GLRX5: variants seen among roughly 807,000 people sequenced by gnomAD.
The protein encoded by GLRX5 is glutaredoxin 5.
GLRX5 carries 10 observed loss-of-function variants against 13.8 expected under a neutral mutation model. That is an observed-to-expected ratio of 0.72 (90% CI 0.45 to 1.23). The LOEUF (loss-of-function observed/expected upper bound fraction) is 1.23. Ranked by LOEUF, GLRX5 falls within the 50% of genes most tolerant of loss-of-function variation. GLRX5 has a pLI of 0.00. For synonymous variants in GLRX5, 98 were observed against 101.1 expected (o/e 0.97, Z 0.18); for missense variants, 233 against 215.2 (o/e 1.08, Z -0.52).
chr14:95,541,222 G>A (rs1166171343), intron 1 of GLRX5, among the ~76,000 whole-genome samples: 6 of 152,204 alleles, frequency 3.9e-5, no homozygotes, highest in Non-Finnish European at 7.3e-5. Context: ...TGCAGTTTTT[G>A]AAAACTAAAG....
chr14:95,539,770 T>G (rs1028135984), intron 1 of GLRX5, among the ~76,000 whole-genome samples: 5 of 152,320 alleles, frequency 3.3e-5, no homozygotes, highest in African/African-American at 1.2e-4. Context: ...TCATCTTATG[T>G]AAAGTAGGGA....
rs186754477 is a variant in GLRX5 at position 95,544,470 on chromosome 14, T to C, written c.*345T>C. The C allele has an allele frequency of 5.0e-4, 122 of 245,348 alleles. 1 individual carries two copies. Among genetic ancestry groups the C allele is most frequent in the African/African-American group, 2.5e-3 (114 of 45,002 alleles). The allele number at this position is 245,348 out of a possible 1,614,324, so 15.2% of individuals were successfully genotyped here. A position where few individuals can be genotyped will look rare whatever the true frequency, so the allele number is the denominator to read the frequency against. On this transcript the variant is annotated 3_prime_UTR_variant, in exon 2 of 2. Transcript: ENST00000331334. ...TGACCCCTCTGCAAATGTGTCAGTC[T>C]CCAAAGAGAGTATCTCCCCCCAAAT...
intron 1 of GLRX5, 134 bp from the exon 2 acceptor site, chr14:95,543,813 A>C (rs1486194806): frequency 2.6e-6 from 2 of 756,076 alleles, no homozygotes; most frequent in African/African-American, 1.7e-5. Flanking sequence ...TGGCAAGCAC[A>C]GTGTTCTCAA....
intron 1 of GLRX5, among the ~76,000 whole-genome samples, chr14:95,540,408 G>A: frequency 6.6e-6 from 1 of 152,102 alleles, no homozygotes. Flanking sequence ...TAATATGTGA[G>A]GCGTAGAGTA....
chr14:95,543,148 C>T (rs977175745), intron 1 of GLRX5: 4 of 455,796 alleles, frequency 8.8e-6, no homozygotes, highest in Admixed American at 2.4e-5. Context: ...CTCACTCCCC[C>T]ACCCCTCAGC....
At chr14:95,543,235 C>T (rs2139651495) in intron 1 of GLRX5, 1 of 455,720 alleles carries the variant, frequency 2.2e-6, no homozygotes, top group East Asian at 7.0e-5. Context: ...AGAGCCTCAT[C>T]ATCCACTCCA....
chr14:95,535,985 C>G (rs1390956522), intron 1 of GLRX5, among the ~76,000 whole-genome samples: 1 of 152,126 alleles, frequency 6.6e-6, no homozygotes, highest in Non-Finnish European at 1.5e-5. Context: ...TGTCGGCTGA[C>G]CTTAGTCGGG....
chr14:95,542,532 A>G (rs1048025411), intron 1 of GLRX5, among the ~76,000 whole-genome samples: 4 of 152,218 alleles, frequency 2.6e-5, no homozygotes, highest in South Asian at 2.1e-4. Flanking sequence ...AATAAATAGT[A>G]TATTGGGACT....
Position 95,543,980 on chromosome 14 carries a change from C to T in GLRX5, c.329C>T (p.Pro110Leu), listed in dbSNP as rs754098542. The change falls in exon 2 of 2, where the codon CCG becomes CTG. Residue 110 changes from proline to leucine, a missense_variant. Transcript: ENST00000331334. ...GACTATTCCAACTGGCCCACCATCC[C>T]GCAAGTGTACCTCAATGGCGAGTTT... ...IKDYSNWPTI[P>L]QVYLNGEFVG... is the part of the protein sequence containing the mutation. 7.4e-6 allele frequency: 12 copies of T among 1,613,904 alleles called. No homozygotes were observed. The South Asian group carries it at 7.7e-5, about 10-fold the overall frequency.
chr14:95,544,230 C>A lies in GLRX5; in HGVS notation c.*105C>A. 1 of 847,394 alleles carries A rather than the reference C, an allele frequency of 1.2e-6. No homozygotes were observed. Among genetic ancestry groups the A allele is most frequent in the Non-Finnish European group, 2.0e-6 (1 of 509,180 alleles). 52.5% of individuals were successfully genotyped at this position (847,394 alleles called of 1,614,324 possible). A position where few individuals can be genotyped will look rare whatever the true frequency, so the allele number is the denominator to read the frequency against. The stretch of plus-strand genomic sequence containing the variant: ...GTTTTCACTATTGAGACCGCAACTG[C>A]TTGCACTGATCATTTTGGTTCGTGA... On this transcript the variant is annotated 3_prime_UTR_variant, in exon 2 of 2. Coordinates refer to ENST00000331334, the MANE Select transcript of GLRX5 (RefSeq NM_016417.3).
At chr14:95,538,133 C>T (rs4905336) in intron 1 of GLRX5, among the ~76,000 whole-genome samples, 125,157 of 152,004 alleles carry the variant, frequency 0.82, 52,880 homozygotes, top group Non-Finnish European at 0.93. Flanking sequence ...CCATGCTTGT[C>T]TATACATAGT....
chr14:95,539,503 C>T (rs1159988797), intron 1 of GLRX5, among the ~76,000 whole-genome samples: 2 of 152,154 alleles, frequency 1.3e-5, no homozygotes, highest in Non-Finnish European at 2.9e-5. Context: ...TGGCATAATA[C>T]CATTTGTATA....
chr14:95,540,529 G>T (rs535408408), intron 1 of GLRX5, among the ~76,000 whole-genome samples: 6 of 152,324 alleles, frequency 3.9e-5, no homozygotes, highest in African/African-American at 1.4e-4. Flanking sequence ...CCTGTGCCTT[G>T]CCCACTCTGC....
intron 1 of GLRX5, among the ~76,000 whole-genome samples, chr14:95,535,823 C>T (rs1226262323): frequency 6.6e-6 from 1 of 152,100 alleles, no homozygotes; most frequent in African/African-American, 2.4e-5. Context: ...CATTGGCCTA[C>T]TCGTGGGTAA....
At chr14:95,535,697 GAC>G (rs1891362530) in intron 1 of GLRX5, among the ~76,000 whole-genome samples, 2 of 152,212 alleles carry the variant, frequency 1.3e-5, no homozygotes, top group African/African-American at 4.8e-5. Context: ...ATTTGTCAAT[GAC>G]TGACTCGGAG....
chr14:95,536,383 C>G (rs899401947), intron 1 of GLRX5, among the ~76,000 whole-genome samples: 2 of 152,204 alleles, frequency 1.3e-5, no homozygotes, highest in Admixed American at 1.3e-4. Context: ...ACCTGCATCC[C>G]AGTTAGAGAC....
At chr14:95,539,088 A>G (rs1223107959) in intron 1 of GLRX5, among the ~76,000 whole-genome samples, 2 of 152,198 alleles carry the variant, frequency 1.3e-5, no homozygotes, top group African/African-American at 4.8e-5. Context: ...CACAAACTCT[A>G]TTGTGAACTG....
At position 95,543,927 on chromosome 14, in the gene GLRX5, T is replaced by C. The variant is rs1181645446; in HGVS notation, c.296-20T>C. On this transcript the variant is annotated intron_variant, in intron 1 of 1. Transcript: ENST00000331334. Reference sequence around the variant, plus strand: ...CAGCTTTTACCATTTAAATAACAAATAAATGTTCTTTCTCCATAGGCATTA... The same window carrying C: ...CAGCTTTTACCATTTAAATAACAAACAAATGTTCTTTCTCCATAGGCATTA... 1.9e-6 allele frequency: 3 copies of C among 1,602,770 alleles called. No individual in the cohort carries two copies. Among genetic ancestry groups the C allele is most frequent in the Non-Finnish European group, 2.6e-6 (3 of 1,169,750 alleles).
Position 95,535,293 on chromosome 14 carries a change from C to T in GLRX5, c.204C>T (p.Gly68=), listed in dbSNP as rs71431696. The T allele has an allele frequency of 7.6e-3, 11,929 of 1,564,932 alleles. 62 individuals carry two copies. Among genetic ancestry groups the T allele is most frequent in the Non-Finnish European group, 9.6e-3 (11,058 of 1,155,546 alleles). ...LKGTPEQPQC[G]FSNAVVQILR... is the part of the protein sequence containing the mutation. The stretch of plus-strand genomic sequence containing the variant: ...GGACGCCGGAGCAGCCCCAGTGCGG[C>T]TTCAGCAACGCCGTGGTGCAGATCC... The change falls in exon 1 of 2, where the codon GGC becomes GGT. Residue 68 remains glycine, a synonymous_variant. Coordinates refer to ENST00000331334, the MANE Select transcript of GLRX5 (RefSeq NM_016417.3).
Sources: gnomAD v4.1 joint callset for allele counts (sites outside exome capture counted in the v4.1 genomes callset) on GRCh38, gnomAD v4.1.1 for gene constraint, MANE v1.5 for transcripts, NCBI Gene and HGNC (gene_info 2026-07-23, HGNC 2026-07-21) for gene names.